Variants in RASIP1 observed in about 807,000 individuals in gnomAD.
RASIP1 encodes ras-interacting protein 1.
RASIP1 carries 20 observed loss-of-function variants against 85.3 expected under a neutral mutation model. The observed-to-expected ratio is 0.23, with a 90% confidence interval of 0.17 to 0.34. RASIP1 has a LOEUF of 0.34. Ranked by LOEUF, RASIP1 falls within the 10% of genes least tolerant of loss-of-function variation. The pLI is 1.00. For missense variants in RASIP1, 1,170 were observed against 1,390.9 expected (o/e 0.84, Z 2.53); for synonymous variants, 617 against 647.1 (o/e 0.95, Z 0.71).
chr19:48,720,879 G>T lies in RASIP1; in HGVS notation c.2811C>A (p.Leu937=), dbSNP rs768979771. Residue 937 remains leucine (L), a synonymous_variant, in exon 12 of 12, where the codon CTC becomes CTA. Transcript: ENST00000222145. ...GCTCAAGATCCCAGAGGAGGCGGCG[G>T]AGCCTACGGAGTTCACGGTGCAAGG... ...DDALHRELRR[L]RRLLWDLEQQ... is the part of the protein sequence containing the mutation. 1 of 1,614,020 alleles carries T rather than the reference G, an allele frequency of 6.2e-7. No homozygotes were observed. The highest frequency in any genetic ancestry group is 8.5e-7 in the Non-Finnish European group (1 of 1,180,024).
In RASIP1 at chr19:48,739,927, G is replaced by C. The variant is rs775287192; in HGVS notation, c.137+219C>G. On this transcript the variant is annotated intron_variant, in intron 2 of 11. Transcript: ENST00000222145. This position sits in a 1 kb window ranked among gnomAD's most constrained non-coding sequence, Gnocchi z 9.2. ...CAATCCCCCTGCTCCTTCTGTCCCC[G>C]TCCCCGTGCCCATCCGGCCTCACTC... is the stretch of plus-strand genomic sequence containing the variant. Among the ~76,000 whole-genome samples, 20 of 152,188 alleles carry C rather than the reference G, an allele frequency of 1.3e-4. No individual in the cohort carries two copies. Among genetic ancestry groups the C allele is most frequent in the Non-Finnish European group, 2.4e-4 (16 of 67,976 alleles).
At position 48,729,117 on chromosome 19, in the gene RASIP1, C is replaced by G; in HGVS notation, c.1653G>C (p.Glu551Asp). 3 of 1,365,948 alleles carry G rather than the reference C, an allele frequency of 2.2e-6. No individual in the cohort carries two copies. Among genetic ancestry groups the G allele is most frequent in the Non-Finnish European group, 1.9e-6 (2 of 1,064,074 alleles). The allele number at this position is 1,365,948 out of a possible 1,614,324, so 84.6% of individuals were successfully genotyped here. Residue 551 changes from glutamate to aspartate, a missense_variant, in exon 5 of 12, where the codon GAG becomes GAC. Glu to Asp is a conservative substitution (Grantham distance 45). Coordinates refer to ENST00000222145, the MANE Select transcript of RASIP1 (RefSeq NM_017805.3). ...CGATCTCGCCCAGCAGCGCCTCCTC[C>G]TCGCGCGGCCGGAAGCGCAGGACTG... Reference protein sequence around the residue: ...REPVLRFRPREEEALLGEIVR... With the variant: ...REPVLRFRPRDEEALLGEIVR...
intron 7 of RASIP1, 38 bp downstream of exon 7, chr19:48,726,969 G>A (rs2033352592): frequency 6.2e-7 from 1 of 1,612,592 alleles, no homozygotes; most frequent in Middle Eastern, 1.7e-4. Context: ...GGGCATGATG[G>A]GAGACTTGGA....
At chr19:48,722,833 A>G (rs543752902) in intron 10 of RASIP1, among the ~76,000 whole-genome samples, 1 of 152,148 alleles carries the variant, frequency 6.6e-6, no homozygotes, top group Non-Finnish European at 1.5e-5. Context: ...CAATATGGCA[A>G]AATTGTAAAG....
Position 48,720,931 on chromosome 19 carries a change from C to A in RASIP1, c.2759G>T (p.Arg920Leu), listed in dbSNP as rs2033219139. The change falls in exon 12 of 12, where the codon CGC becomes CTC. Residue 920 changes from arginine to leucine, a missense_variant. Arg to Leu is a moderately radical substitution (Grantham distance 102). Coordinates refer to ENST00000222145, the MANE Select transcript of RASIP1 (RefSeq NM_017805.3). ...LILPLGSSRL[R>L]LTGPVTDDAL... is the part of the protein sequence containing the mutation. ...ATCGTCCGTCACTGGACCAGTGAGG[C>A]GCAGGCGCGAGCTCCCCAGGGGGAG... 1 of 1,613,498 alleles carries A rather than the reference C, an allele frequency of 6.2e-7. No homozygotes were observed. Among genetic ancestry groups the A allele is most frequent in the Non-Finnish European group, 8.5e-7 (1 of 1,179,894 alleles).
At position 48,740,137 on chromosome 19, in the gene RASIP1, G is replaced by A. The variant is rs779894462; in HGVS notation, c.137+9C>T. ...GCAGGGGCAGGAGTCCTGCAGAGAT[G>A]GCACTCACTTGACAGAGGCTGCGCT... On this transcript the variant is annotated intron_variant, in intron 2 of 11. Coordinates refer to ENST00000222145, the MANE Select transcript of RASIP1 (RefSeq NM_017805.3). The surrounding 1 kb of genome is among the most constrained non-coding windows in gnomAD (Gnocchi z 5.5). 6.3e-7 allele frequency: 1 copy of A among 1,585,040 alleles called. No individual in the cohort carries two copies. The highest frequency in any genetic ancestry group is 8.6e-7 in the Non-Finnish European group (1 of 1,169,408).
chr19:48,726,957 C>G (rs777499802), intron 7 of RASIP1, 50 bp downstream of exon 7: 1 of 1,611,264 alleles, frequency 6.2e-7, no homozygotes, highest in Non-Finnish European at 8.5e-7. Context: ...TCCCCAGGTG[C>G]AGGGCATGAT....
At chr19:48,725,302 C>G (rs1008778954) in intron 8 of RASIP1, 5 of 220,038 alleles carry the variant, frequency 2.3e-5, no homozygotes, top group Non-Finnish European at 3.7e-5. Context: ...AATGGAGAGT[C>G]AGGAAGTGGG....
chr19:48,738,966 T>G lies in RASIP1; in HGVS notation c.817A>C (p.Ser273Arg). Reference protein sequence around the residue: ...LEQEAFGAADSEGTGAPSWRP... With the variant: ...LEQEAFGAADREGTGAPSWRP... Reference sequence around the variant, plus strand: ...AGCCCCGCCCGCCGCTCACCTTCGCTGTCCGCGGCCCCGAAGGCCTCCTGC... The same window carrying G: ...AGCCCCGCCCGCCGCTCACCTTCGCGGTCCGCGGCCCCGAAGGCCTCCTGC... Residue 273 changes from serine to arginine, a missense_variant, in exon 3 of 12, where the codon AGC becomes CGC. Around this residue, in one of 4 missense-constraint regions of RASIP1, gnomAD observed 301 missense variants for 294.8 expected, o/e 1.02. Transcript: ENST00000222145. The surrounding 1 kb of genome is among the most constrained non-coding windows in gnomAD (Gnocchi z 4.0). 1 of 1,181,086 alleles carries G rather than the reference T, an allele frequency of 8.5e-7. No individual in the cohort carries two copies. Among genetic ancestry groups the G allele is most frequent in the Non-Finnish European group, 1.0e-6 (1 of 959,102 alleles). The allele number at this position is 1,181,086 out of a possible 1,614,324, so 73.2% of individuals were successfully genotyped here. A position where few individuals can be genotyped will look rare whatever the true frequency, so the allele number is the denominator to read the frequency against.
At chr19:48,727,940 G>T (rs984198978) in intron 5 of RASIP1, among the ~76,000 whole-genome samples, 1 of 151,794 alleles carries the variant, frequency 6.6e-6, no homozygotes, top group Non-Finnish European at 1.5e-5. Flanking sequence ...TGCCCGCCTC[G>T]GCCTCCCAAA....
In RASIP1 at chr19:48,731,424, C is replaced by A. The variant is rs559368063; in HGVS notation, c.1180-1834G>T. On this transcript the variant is annotated intron_variant, in intron 4 of 11. Coordinates refer to ENST00000222145, the MANE Select transcript of RASIP1 (RefSeq NM_017805.3). ...CAATGGACGTTCTCAATATTCCAAT[C>A]CCCAAAAAGGACATCTCCAAAAAGA... 1.1e-3 allele frequency among the ~76,000 whole-genome samples: 175 copies of A among 152,278 alleles called. 1 individual carries two copies. The highest frequency in any genetic ancestry group is 2.3e-3 in the Non-Finnish European group (155 of 68,030).
intron 3 of RASIP1, among the ~76,000 whole-genome samples, chr19:48,737,212 A>T (rs2033589589): frequency 6.6e-6 from 1 of 152,196 alleles, no homozygotes; most frequent in Non-Finnish European, 1.5e-5. Context: ...CATTGAATAT[A>T]TTATCCCATT....
At chr19:48,734,712 C>T (rs1448262203) in intron 4 of RASIP1, among the ~76,000 whole-genome samples, 8 of 152,102 alleles carry the variant, frequency 5.3e-5, no homozygotes, top group Admixed American at 5.2e-4. Flanking sequence ...GTCTTGAACT[C>T]CCAACCTCAG....
intron 8 of RASIP1, chr19:48,725,174 C>T: frequency 1.8e-6 from 1 of 556,708 alleles, no homozygotes; most frequent in Non-Finnish European, 3.2e-6. Context: ...ACCTCTTGTG[C>T]ATTGTGGGAC....
At chr19:48,730,788 G>T (rs561844659) in intron 4 of RASIP1, among the ~76,000 whole-genome samples, 1 of 152,310 alleles carries the variant, frequency 6.6e-6, no homozygotes, top group Non-Finnish European at 1.5e-5. Flanking sequence ...CACTTTGGGA[G>T]GCCGAGGCAG....
At chr19:48,737,447 C>G (rs893424965) in intron 3 of RASIP1, 2 of 985,342 alleles carry the variant, frequency 2.0e-6, no homozygotes, top group Non-Finnish European at 2.4e-6. Flanking sequence ...TGACCATTGA[C>G]TCTACCTTCT....
At position 48,740,425 on chromosome 19, in the gene RASIP1, C is replaced by A; in HGVS notation, c.-5+96G>T. On this transcript the variant is annotated intron_variant, in intron 1 of 11. Coordinates refer to ENST00000222145, the MANE Select transcript of RASIP1 (RefSeq NM_017805.3). The surrounding 1 kb of genome is among the most constrained non-coding windows in gnomAD (Gnocchi z 5.5). ...TCCAGGGGGAGGAGAGGGATGGTAC[C>A]CTGGATTCCTGGGTCCTGGGATGGA... is the stretch of plus-strand genomic sequence containing the variant. 7.2e-7 allele frequency: 1 copy of A among 1,393,426 alleles called. No homozygotes were observed. 86.3% of individuals were successfully genotyped at this position (1,393,426 alleles called of 1,614,324 possible). A position where few individuals can be genotyped will look rare whatever the true frequency, so the allele number is the denominator to read the frequency against.
rs1213271716 is a variant in RASIP1, at chr19:48,738,954, G to A, written c.823+6C>T. On this transcript the variant is annotated splice_donor_region_variant and intron_variant, in intron 3 of 11. Coordinates refer to ENST00000222145, the MANE Select transcript of RASIP1 (RefSeq NM_017805.3). The surrounding 1 kb of genome is among the most constrained non-coding windows in gnomAD (Gnocchi z 4.0). ...TCCCCGCCCCAGAGCCCCGCCCGCC[G>A]CTCACCTTCGCTGTCCGCGGCCCCG... 3 of 1,013,086 alleles carry A rather than the reference G, an allele frequency of 3.0e-6. No individual in the cohort carries two copies. Among genetic ancestry groups the A allele is most frequent in the Non-Finnish European group, 2.3e-6 (2 of 856,428 alleles). The allele number at this position is 1,013,086 out of a possible 1,614,324, so 62.8% of individuals were successfully genotyped here.
At chr19:48,734,958 T>C (rs979534399) in intron 4 of RASIP1, among the ~76,000 whole-genome samples, 11 of 152,204 alleles carry the variant, frequency 7.2e-5, no homozygotes, top group African/African-American at 2.7e-4. Flanking sequence ...AAGACAGTGC[T>C]TTCCTCCAAC....
Sources: gnomAD v4.1 joint callset for allele counts (sites outside exome capture counted in the v4.1 genomes callset) on GRCh38, gnomAD v4.1.1 for gene constraint, gnomAD v4.1.1 regional missense constraint, Gnocchi (gnomAD v3.1) non-coding constraint, MANE v1.5 for transcripts, NCBI Gene and HGNC (gene_info 2026-07-23, HGNC 2026-07-21) for gene names.